Variants in ZAP70 observed in about 807,000 individuals in gnomAD.
ZAP70 encodes zeta chain of T cell receptor associated protein kinase 70, also known as tyrosine-protein kinase ZAP-70.
In ZAP70, 27 loss-of-function variants were observed where a neutral mutation model predicts 65.8. The ratio of observed to expected loss-of-function variants is 0.41; its 90% CI spans 0.30 to 0.57. The LOEUF (loss-of-function observed/expected upper bound fraction) is 0.57. Among genes scored for constraint, ZAP70 ranks in the 20% least tolerant of loss-of-function variants. The pLI is 0.28. For missense variants in ZAP70, 696 were observed against 870.5 expected (o/e 0.80, Z 2.52); for synonymous variants, 363 against 360.8 (o/e 1.01, Z -0.07).
At chr2:97,723,336 G>A (rs1677233539) in intron 2 of ZAP70, among the ~76,000 whole-genome samples, 1 of 152,276 alleles carries the variant, frequency 6.6e-6, no homozygotes, top group African/African-American at 2.4e-5. Context: ...GACAAGGGAG[G>A]CTGAGGGGTA....
chr2:97,746,119 C>A, the ZAP70 span, among the ~76,000 whole-genome samples: 1 of 152,166 alleles, frequency 6.6e-6, no homozygotes, highest in East Asian at 1.9e-4. Context: ...CTAGAACAGG[C>A]AAATTCATAG....
At chr2:97,729,970 T>G (rs1403153469) in intron 4 of ZAP70, among the ~76,000 whole-genome samples, 1 of 152,254 alleles carries the variant, frequency 6.6e-6, no homozygotes, top group Non-Finnish European at 1.5e-5. Context: ...CTCACACCTG[T>G]AATCCCAGCA....
chr2:97,751,087 G>A, the ZAP70 span, among the ~76,000 whole-genome samples: 1 of 152,214 alleles, frequency 6.6e-6, no homozygotes, highest in Non-Finnish European at 1.5e-5. Flanking sequence ...TACTGGAGAC[G>A]TGGGTGTTGT....
rs1470872100 is a variant in ZAP70, at chr2:97,731,021, C to T, written c.564-1862C>T. On this transcript the variant is annotated intron_variant, in intron 4 of 13. Transcript: ENST00000264972. The surrounding 1 kb of genome is among the most constrained non-coding windows in gnomAD (Gnocchi z 4.0). The stretch of plus-strand genomic sequence containing the variant: ...AGTGAGCCGAGATCACGCCACTGCA[C>T]TCCAGCCCGGGCTGTGGAGCGAGAC... Among the ~76,000 whole-genome samples, 1 of 148,320 alleles carries T rather than the reference C, an allele frequency of 6.7e-6. No individual in the cohort carries two copies. Among genetic ancestry groups the T allele is most frequent in the African/African-American group, 2.5e-5 (1 of 39,816 alleles).
intron 2 of ZAP70, among the ~76,000 whole-genome samples, chr2:97,716,195 C>T (rs914237594): frequency 6.6e-6 from 1 of 152,154 alleles, no homozygotes; most frequent in African/African-American, 2.4e-5. Flanking sequence ...TCAGGATGGG[C>T]CCCTCCTCTC....
At chr2:97,747,815 GTTTTT>G in the ZAP70 span, among the ~76,000 whole-genome samples, 14 of 54,786 alleles carry the variant, frequency 2.6e-4, no homozygotes, top group African/African-American at 5.3e-4. Context: ...CTGGCACGAG[GTTTTT>G]TTTTTTTTTT....
downstream of ZAP70, among the ~76,000 whole-genome samples, chr2:97,743,116 G>T (rs1465999615): frequency 6.6e-6 from 1 of 152,190 alleles, no homozygotes; most frequent in Non-Finnish European, 1.5e-5. Context: ...AAAGGGAGAA[G>T]AAAGCACATA....
chr2:97,746,189 G>T, the ZAP70 span, among the ~76,000 whole-genome samples: 1 of 152,200 alleles, frequency 6.6e-6, no homozygotes, highest in African/African-American at 2.4e-5. Flanking sequence ...AGGAATCATG[G>T]ATTCACGTTT....
Position 97,724,234 on chromosome 2 carries a change from C to A in ZAP70, c.198C>A (p.Asn66Lys), listed in dbSNP as rs781177968. 2 of 1,603,250 alleles carry A rather than the reference C, an allele frequency of 1.2e-6. No individual in the cohort carries two copies. The highest frequency in any genetic ancestry group is 1.7e-6 in the Non-Finnish European group (2 of 1,176,738). ...FHHFPIERQLNGTYAIAGGKA... is the reference protein window; with the variant it reads ...FHHFPIERQLKGTYAIAGGKA... ...ACTTTCCCATCGAGCGCCAGCTCAA[C>A]GGCACCTACGCCATTGCCGGCGGCA... Residue 66 changes from asparagine (N) to lysine (K), a missense_variant, in exon 3 of 14, where the codon AAC becomes AAA. Physicochemically the swap from Asn to Lys is moderately conservative, Grantham distance 94 (BLOSUM62 0). Coordinates refer to ENST00000264972, the MANE Select transcript of ZAP70 (RefSeq NM_001079.4).
rs1677286971 is a variant in ZAP70, at chr2:97,724,333, C to A, written c.297C>A (p.Arg99=). ...RDPDGLPCNL[R]KPCNRPSGLE... Reference sequence around the variant, plus strand: ...CCGACGGGCTGCCCTGCAACCTGCGCAAGCCGTGCAACCGGCCGTCGGGCC... The same window carrying A: ...CCGACGGGCTGCCCTGCAACCTGCGAAAGCCGTGCAACCGGCCGTCGGGCC... Residue 99 remains arginine, a synonymous_variant, in exon 3 of 14, where the codon CGC becomes CGA. Transcript: ENST00000264972. 1.2e-5 allele frequency: 19 copies of A among 1,570,004 alleles called. No individual in the cohort carries two copies. The East Asian group carries it at 4.1e-4, about 34-fold the overall frequency.
the ZAP70 span, among the ~76,000 whole-genome samples, chr2:97,754,621 T>C: frequency 2.6e-5 from 4 of 152,338 alleles, no homozygotes; most frequent in East Asian, 7.7e-4. Context: ...CAGGGTAGTC[T>C]AGAACACCTG....
downstream of ZAP70, among the ~76,000 whole-genome samples, chr2:97,740,289 C>T (rs757742255): frequency 5.3e-5 from 8 of 152,072 alleles, no homozygotes; most frequent in Non-Finnish European, 7.4e-5. Context: ...CCGTATGAAC[C>T]GTATTACTGA....
chr2:97,736,700 G>A lies in ZAP70; in HGVS notation c.1290-773G>A, dbSNP rs944349334. ...CTGAGGGAGGCCGCCATGCCCAGAC[G>A]TGGGGAAGGGCATTCCAGGCAAAGG... On this transcript the variant is annotated intron_variant, in intron 10 of 13. Coordinates refer to ENST00000264972, the MANE Select transcript of ZAP70 (RefSeq NM_001079.4). The surrounding 1 kb of genome is among the most constrained non-coding windows in gnomAD (Gnocchi z 4.0). Among the ~76,000 whole-genome samples the A allele has an allele frequency of 3.9e-5, 6 of 152,064 alleles. No homozygotes were observed. The highest frequency in any genetic ancestry group is 1.4e-4 in the African/African-American group (6 of 41,438).
intron 2 of ZAP70, among the ~76,000 whole-genome samples, chr2:97,722,896 C>T (rs72951144): frequency 0.011 from 1,600 of 152,266 alleles, 35 homozygotes; most frequent in African/African-American, 0.037. Context: ...TTTCTGCAAG[C>T]AGATCGTTAC....
At chr2:97,733,062 C>T in intron 5 of ZAP70, 41 bp downstream of exon 5, 1 of 1,613,990 alleles carries the variant, frequency 6.2e-7, no homozygotes, top group Non-Finnish European at 8.5e-7. Flanking sequence ...ATGCCGTGCT[C>T]AGATGGGGTG....
At chr2:97,750,733 C>G in the ZAP70 span, among the ~76,000 whole-genome samples, 127 of 152,328 alleles carry the variant, frequency 8.3e-4, 3 homozygotes, top group Middle Eastern at 0.017. Context: ...TCCTGTTCCC[C>G]TGTGGTGTTT....
the ZAP70 span, among the ~76,000 whole-genome samples, chr2:97,753,224 G>A: frequency 6.6e-6 from 1 of 152,132 alleles, no homozygotes; most frequent in African/African-American, 2.4e-5. Flanking sequence ...AAACTCATGG[G>A]CAGCAGGGAA....
chr2:97,728,811 G>A (rs947090231), intron 4 of ZAP70, among the ~76,000 whole-genome samples: 3 of 152,214 alleles, frequency 2.0e-5, no homozygotes, highest in African/African-American at 7.2e-5. Context: ...GGAGCACAGT[G>A]GTGCAATCTT....
At chr2:97,726,374 CAG>C (rs1421026978) in intron 4 of ZAP70, among the ~76,000 whole-genome samples, 2 of 152,208 alleles carry the variant, frequency 1.3e-5, no homozygotes, top group African/African-American at 4.8e-5. Flanking sequence ...CCTCAAGACA[CAG>C]ATAAATTGGT....
Sources: allele counts gnomAD v4.1 joint callset (sites outside exome capture counted in the v4.1 genomes callset), GRCh38; gene constraint gnomAD v4.1.1; non-coding constraint Gnocchi (gnomAD v3.1); transcripts MANE v1.5; gene names NCBI Gene and HGNC (gene_info 2026-07-23, HGNC 2026-07-21).